PLCXD3: variants seen among roughly 807,000 people sequenced by gnomAD.
The protein encoded by PLCXD3 is PI-PLC X domain-containing protein 3.
A neutral mutation model predicts 25.5 loss-of-function variants in PLCXD3; 19 were observed. That is an observed-to-expected ratio of 0.75 (90% confidence interval 0.52 to 1.09). The LOEUF (loss-of-function observed/expected upper bound fraction) is 1.09, where lower values mean the gene tolerates loss of function less well. PLCXD3 is among the 50% of genes least tolerant of loss of function. The pLI, the probability that PLCXD3 is intolerant of heterozygous loss-of-function variation, is 0.00. For missense variants in PLCXD3, 411 were observed against 388.1 expected, an observed-to-expected ratio of 1.06 and a Z score of -0.50; for synonymous variants, 174 against 137.6, an observed-to-expected ratio of 1.26 and a Z score of -1.85.
chr5:41,373,261 G>GTTC (rs146061812), intron 2 of PLCXD3, among the ~76,000 whole-genome samples: 117 of 152,180 alleles, frequency 7.7e-4, no homozygotes, highest in African/African-American at 2.8e-3. Flanking sequence ...TCGTAGACTG[G>GTTC]TTCTGGTCAG....
chr5:41,477,479 A>C (rs1003710847), intron 1 of PLCXD3, among the ~76,000 whole-genome samples: 1 of 152,122 alleles, frequency 6.6e-6, no homozygotes, highest in Non-Finnish European at 1.5e-5. Flanking sequence ...TCCTTGTTGC[A>C]AATAGGCCTG....
rs143138948 is a variant in PLCXD3 at position 41,315,524 on chromosome 5, C to T, written c.813-1754G>A. Among the ~76,000 whole-genome samples the T allele has an allele frequency of 1.4e-4, 21 of 152,218 alleles. No individual in the cohort carries two copies. In the East Asian group the frequency reaches 3.3e-3, roughly 24 times the overall value. On this transcript the variant is annotated intron_variant, in intron 2 of 2. Coordinates refer to ENST00000377801, the MANE Select transcript of PLCXD3 (RefSeq NM_001005473.3). ...GCTCCGCATACCCCTGCAAGGTCAT[C>T]GTCCTTCCTGCAAGGATACCAAGTT...
At chr5:41,354,423 CT>C (rs143756080) in intron 2 of PLCXD3, among the ~76,000 whole-genome samples, 5,540 of 150,204 alleles carry the variant, frequency 0.037, 343 homozygotes, top group African/African-American at 0.13. Context: ...AAGCTTCTCT[CT>C]TTTTTTTCTT....
chr5:41,314,775 T>G (rs568984444), intron 2 of PLCXD3, among the ~76,000 whole-genome samples: 1 of 152,282 alleles, frequency 6.6e-6, no homozygotes, highest in Non-Finnish European at 1.5e-5. Context: ...TAGGCCATTA[T>G]AAAAGTTTTG....
intron 1 of PLCXD3, among the ~76,000 whole-genome samples, chr5:41,486,386 A>G (rs1290460473): frequency 6.6e-6 from 1 of 152,068 alleles, no homozygotes; most frequent in Non-Finnish European, 1.5e-5. Flanking sequence ...CACCAATGGG[A>G]AGATTCTATC....
At chr5:41,475,605 G>A (rs746183559) in intron 1 of PLCXD3, 2 of 534,540 alleles carry the variant, frequency 3.7e-6, no homozygotes, top group Non-Finnish European at 7.7e-6. Context: ...GGTCCCTTCA[G>A]GTCTCTTCAG....
chr5:41,377,190 C>T (rs1348373353), intron 2 of PLCXD3, among the ~76,000 whole-genome samples: 1 of 151,880 alleles, frequency 6.6e-6, no homozygotes, highest in Admixed American at 6.6e-5. Context: ...AGGCTCAGTC[C>T]CTTTATTGTT....
intron 2 of PLCXD3, among the ~76,000 whole-genome samples, chr5:41,379,810 G>A (rs76828908): frequency 0.11 from 16,262 of 151,970 alleles, 1,049 homozygotes; most frequent in Admixed American, 0.17. Context: ...CAGACTGCGT[G>A]GGATAATTAA....
intron 1 of PLCXD3, among the ~76,000 whole-genome samples, chr5:41,383,011 G>A (rs141145828): frequency 6.6e-6 from 1 of 152,148 alleles, no homozygotes; most frequent in Non-Finnish European, 1.5e-5. Context: ...CATATGAAGT[G>A]TTACCTCATT....
chr5:41,343,058 T>G (rs1744197883), intron 2 of PLCXD3, among the ~76,000 whole-genome samples: 1 of 152,148 alleles, frequency 6.6e-6, no homozygotes, highest in South Asian at 2.1e-4. Context: ...ATGTAAAAGT[T>G]TAGTGATAAT....
intron 1 of PLCXD3, among the ~76,000 whole-genome samples, chr5:41,457,239 G>A (rs1282564339): frequency 2.0e-5 from 3 of 151,910 alleles, no homozygotes; most frequent in Non-Finnish European, 2.9e-5. Flanking sequence ...CCACTGGAAA[G>A]CGATTTGCAT....
At position 41,313,778 on chromosome 5, in the gene PLCXD3, A is replaced by C; in HGVS notation, c.813-8T>G. ...ATCATGGCAGGAAGAGCTCTGAGAA[A>C]GGAAACAAAAAGAAAAGTCACAGAA... On this transcript the variant is annotated splice_polypyrimidine_tract_variant and splice_region_variant and intron_variant, in intron 2 of 2. Transcript: ENST00000377801. 1 of 1,565,762 alleles carries C rather than the reference A, an allele frequency of 6.4e-7. No individual in the cohort carries two copies. Among genetic ancestry groups the C allele is most frequent in the Non-Finnish European group, 8.6e-7 (1 of 1,158,890 alleles).
chr5:41,503,475 A>AGATCCAT (rs955157184), intron 1 of PLCXD3, among the ~76,000 whole-genome samples: 3 of 152,172 alleles, frequency 2.0e-5, no homozygotes, highest in Admixed American at 6.5e-5. Context: ...TGCATCTAAC[A>AGATCCAT]GATCCATGGG....
At chr5:41,416,635 T>G (rs529448597) in intron 1 of PLCXD3, among the ~76,000 whole-genome samples, 45 of 152,316 alleles carry the variant, frequency 3.0e-4, no homozygotes, top group African/African-American at 1.0e-3. Flanking sequence ...GGCTGGACAC[T>G]GTGTGATGTG....
At chr5:41,317,960 A>G (rs1242626921) in intron 2 of PLCXD3, among the ~76,000 whole-genome samples, 1 of 152,134 alleles carries the variant, frequency 6.6e-6, no homozygotes, top group Non-Finnish European at 1.5e-5. Context: ...CAAAGAAATA[A>G]TAACAGAGAA....
intron 1 of PLCXD3, among the ~76,000 whole-genome samples, chr5:41,434,725 G>C (rs1747202578): frequency 6.6e-6 from 1 of 152,160 alleles, no homozygotes; most frequent in African/African-American, 2.4e-5. Flanking sequence ...ATGTTGGAAA[G>C]GAAGGGACAG....
intron 1 of PLCXD3, among the ~76,000 whole-genome samples, chr5:41,454,872 T>C (rs1250700145): frequency 2.0e-5 from 3 of 151,940 alleles, no homozygotes; most frequent in African/African-American, 7.2e-5. Flanking sequence ...GAAAAGAAGT[T>C]TAATTGACTC....
chr5:41,504,180 C>T (rs1483324056), intron 1 of PLCXD3, among the ~76,000 whole-genome samples: 1 of 152,132 alleles, frequency 6.6e-6, no homozygotes, highest in Non-Finnish European at 1.5e-5. Flanking sequence ...TGTGTTTCCA[C>T]TCTAGATTTG....
intron 2 of PLCXD3, 56 bp downstream of exon 2, chr5:41,381,770 T>C (rs1717266107): frequency 2.7e-6 from 4 of 1,489,546 alleles, no homozygotes; most frequent in Admixed American, 2.1e-5. Context: ...TTATGAGCTC[T>C]ATAAATTCAA....
Sources: gnomAD v4.1 joint callset for allele counts (sites outside exome capture counted in the v4.1 genomes callset) on GRCh38, gnomAD v4.1.1 for gene constraint, MANE v1.5 for transcripts, NCBI Gene and HGNC (gene_info 2026-07-23, HGNC 2026-07-21) for gene names.